Variants in SLC30A9 observed in about 807,000 individuals in gnomAD.
SLC30A9 encodes the protein solute carrier family 30 member 9.
SLC30A9 carries 58 observed loss-of-function variants against 87.5 expected under a neutral mutation model. The observed-to-expected ratio is 0.66, with a 90% CI of 0.54 to 0.82. The LOEUF (loss-of-function observed/expected upper bound fraction) is 0.82. Among genes scored for constraint, SLC30A9 ranks in the 40% least tolerant of loss-of-function variants. The pLI is 0.00. For synonymous variants in SLC30A9, 234 were observed against 233.0 expected (o/e 1.00, Z -0.04); for missense variants, 557 against 679.1 (o/e 0.82, Z 2.00).
intron 17 of SLC30A9, among the ~76,000 whole-genome samples, chr4:42,084,311 C>A (rs1366690122): frequency 6.6e-6 from 1 of 152,032 alleles, no homozygotes; most frequent in African/African-American, 2.4e-5. Flanking sequence ...TATACTACTT[C>A]TCTTGATTTA....
At chr4:42,041,179 C>A (rs536624749) in intron 8 of SLC30A9, among the ~76,000 whole-genome samples, 1 of 152,172 alleles carries the variant, frequency 6.6e-6, no homozygotes, top group Non-Finnish European at 1.5e-5. Context: ...TCTCCCACTG[C>A]GTCCCTCCCA....
At chr4:42,000,675 C>G (rs1714943921) in intron 1 of SLC30A9, among the ~76,000 whole-genome samples, 1 of 151,984 alleles carries the variant, frequency 6.6e-6, no homozygotes, top group African/African-American at 2.4e-5. Context: ...TTCTCTGAGC[C>G]ATTAAGAAAT....
chr4:42,011,398 G>A (rs571885603), intron 2 of SLC30A9, among the ~76,000 whole-genome samples: 1 of 152,252 alleles, frequency 6.6e-6, no homozygotes, highest in East Asian at 1.9e-4. Flanking sequence ...GGTGAGATTT[G>A]GATGGGGACA....
At chr4:41,999,652 A>G (rs1023156717) in intron 1 of SLC30A9, among the ~76,000 whole-genome samples, 9 of 152,048 alleles carry the variant, frequency 5.9e-5, no homozygotes, top group Admixed American at 2.0e-4. Flanking sequence ...AGGACAAACA[A>G]CCTGGCTTTT....
intron 7 of SLC30A9, among the ~76,000 whole-genome samples, chr4:42,037,381 T>C (rs983534815): frequency 1.3e-5 from 2 of 151,886 alleles, no homozygotes; most frequent in Non-Finnish European, 2.9e-5. Flanking sequence ...CCTCTGGTAT[T>C]TAATTTCTTA....
chr4:42,034,453 A>G (rs1223411800), intron 6 of SLC30A9, among the ~76,000 whole-genome samples: 3 of 145,478 alleles, frequency 2.1e-5, no homozygotes, highest in Non-Finnish European at 3.0e-5. Context: ...GTCCCTGGCA[A>G]CCACCATTCT....
At position 42,045,065 on chromosome 4, in the gene SLC30A9, T is replaced by A. The variant is rs367985140; in HGVS notation, c.738-4312T>A. 1.5e-3 allele frequency among the ~76,000 whole-genome samples: 222 copies of A among 152,254 alleles called. 2 individuals are homozygous for A. The highest frequency in any genetic ancestry group is 5.2e-3 in the African/African-American group (215 of 41,552). On this transcript the variant is annotated intron_variant, in intron 8 of 17. Transcript: ENST00000264451. Reference sequence around the variant, plus strand: ...TCTCTGGAACATAGCTAAAGCAGTGTTTAGAGGGAAATTTATAGCACTAAA... The same window carrying A: ...TCTCTGGAACATAGCTAAAGCAGTGATTAGAGGGAAATTTATAGCACTAAA...
intron 17 of SLC30A9, among the ~76,000 whole-genome samples, chr4:42,084,340 T>C (rs544090122): frequency 2.6e-5 from 4 of 152,338 alleles, no homozygotes; most frequent in African/African-American, 9.6e-5. Context: ...TCCTCTACGA[T>C]AGGTGTAGAT....
chr4:42,063,347 T>C (rs1431544715), intron 11 of SLC30A9, among the ~76,000 whole-genome samples: 2 of 152,226 alleles, frequency 1.3e-5, no homozygotes, highest in East Asian at 3.9e-4. Flanking sequence ...GTACCAATTA[T>C]CAAGCCCTGC....
At chr4:42,034,155 C>T (rs1716576889) in intron 6 of SLC30A9, among the ~76,000 whole-genome samples, 1 of 152,064 alleles carries the variant, frequency 6.6e-6, no homozygotes, top group Non-Finnish European at 1.5e-5. Context: ...AAATGAAGGA[C>T]TTGTTTTTGT....
At chr4:41,998,137 G>GGA (rs915275539) in intron 1 of SLC30A9, among the ~76,000 whole-genome samples, 2 of 152,140 alleles carry the variant, frequency 1.3e-5, no homozygotes, top group Non-Finnish European at 2.9e-5. Flanking sequence ...AAACCAGATT[G>GGA]GAGAGAGAGA....
At chr4:42,011,391 G>A (rs1715436769) in intron 2 of SLC30A9, among the ~76,000 whole-genome samples, 1 of 152,174 alleles carries the variant, frequency 6.6e-6, no homozygotes, top group Non-Finnish European at 1.5e-5. Flanking sequence ...AATTCAAGGT[G>A]AGATTTGGAT....
chr4:42,085,195 G>T (rs1718880625), intron 17 of SLC30A9, among the ~76,000 whole-genome samples: 2 of 152,118 alleles, frequency 1.3e-5, no homozygotes, highest in African/African-American at 4.8e-5. Flanking sequence ...TACCTGGAAG[G>T]CTCATCATAT....
At chr4:42,058,017 G>T (rs535868142) in intron 9 of SLC30A9, among the ~76,000 whole-genome samples, 1 of 150,128 alleles carries the variant, frequency 6.7e-6, no homozygotes, top group East Asian at 2.0e-4. Flanking sequence ...CAGGATAATC[G>T]CTTGAACCTG....
In SLC30A9 at chr4:42,007,971, C is replaced by G. The variant is rs141903695; in HGVS notation, c.274+6191C>G. Among the ~76,000 whole-genome samples the G allele has an allele frequency of 9.0e-3, 1,366 of 152,172 alleles. 21 individuals carry two copies. The highest frequency in any genetic ancestry group is 0.032 in the African/African-American group (1,313 of 41,494). On this transcript the variant is annotated intron_variant, in intron 2 of 17. Transcript: ENST00000264451. Reference sequence around the variant, plus strand: ...AAACTCTCCATTGGCTTCTAGTTACCCATAGAACAAAGCCAAGACTGCTAG... The same window carrying G: ...AAACTCTCCATTGGCTTCTAGTTACGCATAGAACAAAGCCAAGACTGCTAG...
chr4:42,024,288 T>A (rs1433196687), intron 6 of SLC30A9, among the ~76,000 whole-genome samples: 1 of 152,142 alleles, frequency 6.6e-6, no homozygotes. Flanking sequence ...GGAGGATCAC[T>A]TGAGCCCAGG....
intron 15 of SLC30A9, among the ~76,000 whole-genome samples, chr4:42,072,141 C>T (rs369440340): frequency 6.6e-5 from 10 of 152,180 alleles, no homozygotes; most frequent in African/African-American, 2.2e-4. Flanking sequence ...TCTTTCATTT[C>T]TGTAATTTGA....
At chr4:42,011,804 A>G (rs1268784262) in intron 2 of SLC30A9, among the ~76,000 whole-genome samples, 1 of 152,232 alleles carries the variant, frequency 6.6e-6, no homozygotes, top group East Asian at 1.9e-4. Flanking sequence ...ACAAACTTGC[A>G]GAAATAAAAC....
chr4:42,010,458 C>G (rs1715391074), intron 2 of SLC30A9, among the ~76,000 whole-genome samples: 1 of 152,118 alleles, frequency 6.6e-6, no homozygotes, highest in Admixed American at 6.5e-5. Context: ...GCCTGGGCGA[C>G]ACAGCAAGAT....
Sources: allele counts gnomAD v4.1 joint callset (sites outside exome capture counted in the v4.1 genomes callset), GRCh38; gene constraint gnomAD v4.1.1; transcripts MANE v1.5; gene names NCBI Gene and HGNC (gene_info 2026-07-23, HGNC 2026-07-21).